The following ARL8B variants were observed in gnomAD, a reference collection of about 807,000 sequenced individuals.
ARL8B encodes the protein ADP-ribosylation factor-like protein 8B.
A neutral mutation model predicts 30.6 loss-of-function variants in ARL8B; 9 were observed. That is an observed-to-expected ratio of 0.29 (90% CI 0.18 to 0.51). ARL8B has a LOEUF of 0.51. Ranked by LOEUF, ARL8B falls within the 20% of genes least tolerant of loss-of-function variation. The pLI, the probability that ARL8B is intolerant of heterozygous loss-of-function variation, is 0.97. For missense variants in ARL8B, 130 were observed against 227.2 expected (o/e 0.57, Z 2.75); for synonymous variants, 74 against 76.0 (o/e 0.97, Z 0.14).
intron 6 of ARL8B, 89 bp downstream of exon 6, chr3:5,174,503 TAA>T: frequency 2.3e-6 from 2 of 877,934 alleles, no homozygotes; most frequent in Non-Finnish European, 3.7e-6. Flanking sequence ...GATTTCTCAT[TAA>T]GTGACTTCCT....
chr3:5,171,142 G>C (rs1294489609), intron 2 of ARL8B, among the ~76,000 whole-genome samples: 1 of 152,086 alleles, frequency 6.6e-6, no homozygotes, highest in East Asian at 1.9e-4. Context: ...CACTTTCTCT[G>C]TGGCTCATCT....
intron 1 of ARL8B, among the ~76,000 whole-genome samples, chr3:5,144,406 C>A (rs973433557): frequency 1.3e-5 from 2 of 152,240 alleles, no homozygotes; most frequent in African/African-American, 4.8e-5. Flanking sequence ...TGACAAGTTA[C>A]ACAGCTTCCA....
chr3:5,138,836 G>A (rs553307115), intron 1 of ARL8B, among the ~76,000 whole-genome samples: 128 of 152,132 alleles, frequency 8.4e-4, no homozygotes, highest in Non-Finnish European at 1.5e-3. Context: ...AAACAATGTC[G>A]AAAGCACTGA....
intron 6 of ARL8B, 114 bp downstream of exon 6, chr3:5,174,528 G>C (rs1226164787): frequency 1.4e-6 from 1 of 720,412 alleles, no homozygotes; most frequent in African/African-American, 1.8e-5. Flanking sequence ...TCAGAATACT[G>C]TTGCTTTTGC....
intron 6 of ARL8B, among the ~76,000 whole-genome samples, chr3:5,176,599 A>T (rs1426169546): frequency 1.3e-5 from 2 of 152,198 alleles, no homozygotes; most frequent in Non-Finnish European, 2.9e-5. Context: ...TCCTTTAAAG[A>T]CCATCCAGGG....
chr3:5,151,250 G>T (rs947973734), intron 1 of ARL8B, among the ~76,000 whole-genome samples: 1 of 151,992 alleles, frequency 6.6e-6, no homozygotes, highest in Admixed American at 6.5e-5. Flanking sequence ...GGGGGGCTTA[G>T]ATTGTTAATT....
chr3:5,169,312 TGTGTGTG>T (rs1559285626), intron 1 of ARL8B, among the ~76,000 whole-genome samples: 23 of 106,324 alleles, frequency 2.2e-4, no homozygotes, highest in Admixed American at 6.5e-4. Flanking sequence ...TGTTTGTGTG[TGTGTGTG>T]TGTGTGTGTG....
chr3:5,130,520 T>TTGTGTG (rs199722970), intron 1 of ARL8B, among the ~76,000 whole-genome samples: 2 of 151,874 alleles, frequency 1.3e-5, no homozygotes, highest in African/African-American at 4.8e-5. Flanking sequence ...GCTTGCTTGC[T>TTGTGTG]TGTGTGTGTG....
intron 1 of ARL8B, among the ~76,000 whole-genome samples, chr3:5,151,039 G>A (rs546588528): frequency 6.6e-6 from 1 of 152,250 alleles, no homozygotes; most frequent in East Asian, 1.9e-4. Context: ...GGTGGAGTCT[G>A]TAGTGATGTC....
Position 5,151,488 on chromosome 3 carries a change from G to C in ARL8B, c.124-19015G>C, listed in dbSNP as rs2106562655. Among the ~76,000 whole-genome samples, 5 of 152,170 alleles carry C rather than the reference G, an allele frequency of 3.3e-5. No homozygotes were observed. In the Middle Eastern group the frequency reaches 0.017, roughly 518 times the overall value. ...GTCTATAAATTTTCTTCTGAGCACT[G>C]ATTAGCTGCATTATACAAATTCTGA... On this transcript the variant is annotated intron_variant, in intron 1 of 6. Transcript: ENST00000256496.
chr3:5,143,605 G>T (rs1205823675), intron 1 of ARL8B, among the ~76,000 whole-genome samples: 2 of 152,180 alleles, frequency 1.3e-5, no homozygotes, highest in African/African-American at 4.8e-5. Context: ...GTCCACCCCT[G>T]TTCAGCCGTT....
At chr3:5,122,633 G>T in intron 1 of ARL8B, 45 bp downstream of exon 1, 1 of 1,565,330 alleles carries the variant, frequency 6.4e-7, no homozygotes, top group Non-Finnish European at 8.7e-7. Flanking sequence ...GCAGCCAGGA[G>T]TCCGGCCCGG....
chr3:5,135,392 G>T (rs2106555812), intron 1 of ARL8B, among the ~76,000 whole-genome samples: 1 of 151,076 alleles, frequency 6.6e-6, no homozygotes. Context: ...ATAATTCTCT[G>T]CCTCAGCCTC....
At chr3:5,140,809 T>A (rs1487136557) in intron 1 of ARL8B, among the ~76,000 whole-genome samples, 1 of 152,194 alleles carries the variant, frequency 6.6e-6, no homozygotes, top group Non-Finnish European at 1.5e-5. Context: ...TCTGGTGGGA[T>A]GTTGGTTCAC....
At chr3:5,125,287 C>T (rs544379968) in intron 1 of ARL8B, among the ~76,000 whole-genome samples, 9 of 152,160 alleles carry the variant, frequency 5.9e-5, no homozygotes, top group East Asian at 3.9e-4. Context: ...TGTAATTGGG[C>T]GTACCTGTTT....
rs1455162033 is a variant in ARL8B at position 5,170,498 on chromosome 3, T to G, written c.124-5T>G. On this transcript the variant is annotated splice_region_variant and splice_polypyrimidine_tract_variant and intron_variant, in intron 1 of 6. Coordinates refer to ENST00000256496, the MANE Select transcript of ARL8B (RefSeq NM_018184.3). ...GCCTAACTTCAAATGTTTTATTTTGTTCAGTCAGGTCAATTCAGTGAAGAT... is the reference window on the plus strand; with the variant it reads ...GCCTAACTTCAAATGTTTTATTTTGGTCAGTCAGGTCAATTCAGTGAAGAT... 1 of 1,603,990 alleles carries G rather than the reference T, an allele frequency of 6.2e-7. No homozygotes were observed.
At chr3:5,174,516 T>A in intron 6 of ARL8B, 102 bp downstream of exon 6, 1 of 796,210 alleles carries the variant, frequency 1.3e-6, no homozygotes, top group Non-Finnish European at 2.1e-6. Context: ...GTGACTTCCT[T>A]TTCAGAATAC....
chr3:5,134,027 A>G (rs1255041646), intron 1 of ARL8B, among the ~76,000 whole-genome samples: 1 of 152,234 alleles, frequency 6.6e-6, no homozygotes, highest in Non-Finnish European at 1.5e-5. Context: ...ATGACAGGCT[A>G]TGAATGCTAT....
intron 1 of ARL8B, among the ~76,000 whole-genome samples, chr3:5,163,785 G>C (rs1241044064): frequency 2.0e-5 from 3 of 152,108 alleles, no homozygotes; most frequent in African/African-American, 7.2e-5. Context: ...CAGGAGAATT[G>C]CTTGAACCCG....
Sources: gnomAD v4.1 joint callset for allele counts (sites outside exome capture counted in the v4.1 genomes callset) on GRCh38, gnomAD v4.1.1 for gene constraint, MANE v1.5 for transcripts, NCBI Gene and HGNC (gene_info 2026-07-23, HGNC 2026-07-21) for gene names.